The following MTA1 variants were observed in gnomAD, a reference collection of about 807,000 sequenced individuals.
MTA1 encodes the protein metastasis-associated protein MTA1.
MTA1 carries 15 observed loss-of-function variants against 97.0 expected under a neutral mutation model. The ratio of observed to expected loss-of-function variants is 0.15; its 90% CI spans 0.10 to 0.24. MTA1 has a LOEUF of 0.24. Ranked by LOEUF, MTA1 falls within the 10% of genes least tolerant of loss-of-function variation. The pLI is 1.00. For missense variants in MTA1, 709 were observed against 1,015.1 expected (o/e 0.70, Z 4.10); for synonymous variants, 435 against 417.5 (o/e 1.04, Z -0.51).
At chr14:105,451,094 C>G (rs587602063) in intron 6 of MTA1, among the ~76,000 whole-genome samples, 1 of 152,312 alleles carries the variant, frequency 6.6e-6, no homozygotes, top group South Asian at 2.1e-4. Flanking sequence ...TGAACACCCC[C>G]AGCGTGTCCA....
At chr14:105,444,189 C>T (rs1468273003) in intron 2 of MTA1, among the ~76,000 whole-genome samples, 4 of 151,336 alleles carry the variant, frequency 2.6e-5, no homozygotes, top group African/African-American at 7.3e-5. Context: ...CTGGCTAACA[C>T]GGTGAAACCC....
At chr14:105,434,249 C>A (rs1289641454) in intron 1 of MTA1, among the ~76,000 whole-genome samples, 1 of 152,184 alleles carries the variant, frequency 6.6e-6, no homozygotes, top group Non-Finnish European at 1.5e-5. Context: ...GGAAGCTCAC[C>A]AACATGTATT....
rs115960946 is a variant in MTA1, at chr14:105,468,854, C to G, written c.1814-613C>G. ...GGTCCTGGGCCCAGCTGGGGGTGAC[C>G]AGGAGCATGGACCCCGCTTCTTGGC... On this transcript the variant is annotated intron_variant, in intron 18 of 20. Coordinates refer to ENST00000331320, the MANE Select transcript of MTA1 (RefSeq NM_004689.4). The G allele has an allele frequency of 5.1e-3, 1,433 of 278,580 alleles. 34 individuals carry two copies. Among genetic ancestry groups the G allele is most frequent in the African/African-American group, 0.029 (1,312 of 44,660 alleles). 17.3% of individuals were successfully genotyped at this position (278,580 alleles called of 1,614,324 possible).
chr14:105,462,196 C>T (rs1423444708), intron 10 of MTA1, among the ~76,000 whole-genome samples: 5 of 29,092 alleles, frequency 1.7e-4, no homozygotes, highest in Non-Finnish European at 3.6e-4. Flanking sequence ...AGGGAGCAGG[C>T]CCCGCTCTCC....
At chr14:105,458,213 C>T (rs986711989) in intron 7 of MTA1, 57 bp from the exon 8 acceptor site, 20 of 1,479,442 alleles carry the variant, frequency 1.4e-5, no homozygotes, top group East Asian at 2.3e-5. Flanking sequence ...GGAGGAGAGG[C>T]GCGGCCCGGC....
chr14:105,463,397 CGT>C lies in MTA1; in HGVS notation c.1018-94_1018-93del. 6.6e-7 allele frequency: 1 copy of C among 1,512,584 alleles called. No homozygotes were observed. The highest frequency in any genetic ancestry group is 9.2e-7 in the Non-Finnish European group (1 of 1,091,160). The allele number at this position is 1,512,584 out of a possible 1,614,324, so 93.7% of individuals were successfully genotyped here. ...GAGTCCCTGGCCCGGCTGTCCTCTC[CGT>C]GGTGCTCTCCTCTCCGTAGCCTCCA... On this transcript the variant is annotated intron_variant, in intron 11 of 20. Transcript: ENST00000331320. This position sits in a 1 kb window ranked among gnomAD's most constrained non-coding sequence, Gnocchi z 5.9.
At chr14:105,446,660 T>C (rs2082728194) in intron 3 of MTA1, among the ~76,000 whole-genome samples, 1 of 152,224 alleles carries the variant, frequency 6.6e-6, no homozygotes, top group Admixed American at 6.5e-5. Flanking sequence ...GGGCAGGCGC[T>C]TGTGGAAGGA....
chr14:105,421,494 C>T (rs1250710548), intron 1 of MTA1, among the ~76,000 whole-genome samples: 1 of 152,206 alleles, frequency 6.6e-6, no homozygotes, highest in Non-Finnish European at 1.5e-5. Context: ...AAGAGCTCTC[C>T]CTGCCCCCAC....
intron 1 of MTA1, among the ~76,000 whole-genome samples, chr14:105,434,081 T>C (rs2082259499): frequency 6.6e-6 from 1 of 152,196 alleles, no homozygotes. Flanking sequence ...CCTCCTGAAG[T>C]GCTGGCATTA....
At chr14:105,445,352 C>T in intron 2 of MTA1, 66 bp from the exon 3 acceptor site, 3 of 1,483,088 alleles carry the variant, frequency 2.0e-6, no homozygotes, top group South Asian at 2.4e-5. Flanking sequence ...CCTTGGAGCC[C>T]CTCCTGGGAG....
At position 105,463,609 on chromosome 14, in the gene MTA1, A is replaced by G. The variant is rs1394733469; in HGVS notation, c.1076+58A>G. ...GCCCCGGGGGCCAGGGAGGGTGGGC[A>G]CAGGGTGCTGGGGCCAGGCGGGTCC... On this transcript the variant is annotated intron_variant, in intron 12 of 20. Coordinates refer to ENST00000331320, the MANE Select transcript of MTA1 (RefSeq NM_004689.4). This position sits in a 1 kb window ranked among gnomAD's most constrained non-coding sequence, Gnocchi z 5.9. The G allele has an allele frequency of 5.8e-6, 9 of 1,553,496 alleles. No individual in the cohort carries two copies. The highest frequency in any genetic ancestry group is 8.0e-6 in the Non-Finnish European group (9 of 1,126,656).
In MTA1 at chr14:105,424,205, G is replaced by GT. The variant is rs1393348454; in HGVS notation, c.28+4149dup. Reference sequence around the variant, plus strand: ...AGCACTCCTGGCTTGCTCCACCTTTGTTTTTTTGAGACGGAGTCTCGCTCT... The same window carrying GT: ...AGCACTCCTGGCTTGCTCCACCTTTGTTTTTTTTGAGACGGAGTCTCGCTCT... On this transcript the variant is annotated intron_variant, in intron 1 of 20. Transcript: ENST00000331320. The surrounding 1 kb of genome is among the most constrained non-coding windows in gnomAD (Gnocchi z 4.0). Among the ~76,000 whole-genome samples the GT allele has an allele frequency of 1.3e-5, 2 of 152,128 alleles. No homozygotes were observed. Among genetic ancestry groups the GT allele is most frequent in the African/African-American group, 4.8e-5 (2 of 41,424 alleles).
rs1023583546 is a variant in MTA1, at chr14:105,424,904, C to T, written c.28+4841C>T. Among the ~76,000 whole-genome samples, 17 of 152,372 alleles carry T rather than the reference C, an allele frequency of 1.1e-4. No homozygotes were observed. The highest frequency in any genetic ancestry group is 3.4e-3 in the Middle Eastern group (1 of 294). On this transcript the variant is annotated intron_variant, in intron 1 of 20. Coordinates refer to ENST00000331320, the MANE Select transcript of MTA1 (RefSeq NM_004689.4). The surrounding 1 kb of genome is among the most constrained non-coding windows in gnomAD (Gnocchi z 4.0). ...ATGGTCCAATGAAGCACATCCCTCGCGCCCGACCCGCCCTGGCAGTGCCGT... is the reference window on the plus strand; with the variant it reads ...ATGGTCCAATGAAGCACATCCCTCGTGCCCGACCCGCCCTGGCAGTGCCGT...
intron 2 of MTA1, among the ~76,000 whole-genome samples, chr14:105,439,114 C>T (rs587727066): frequency 1.3e-5 from 2 of 152,324 alleles, no homozygotes; most frequent in East Asian, 3.9e-4. Flanking sequence ...CTGCCCTGCC[C>T]GAACCCTGGC....
At chr14:105,466,129 A>G in intron 16 of MTA1, 2 of 472,194 alleles carry the variant, frequency 4.2e-6, no homozygotes, top group Non-Finnish European at 7.7e-6. Context: ...GGGCCTGTGT[A>G]TGGATCCTGT....
At chr14:105,458,138 C>A in intron 7 of MTA1, 132 bp from the exon 8 acceptor site, 1 of 691,770 alleles carries the variant, frequency 1.4e-6, no homozygotes, top group Non-Finnish European at 2.5e-6. Flanking sequence ...GCCTTGCACC[C>A]TGGCCTCACC....
At chr14:105,466,393 G>A in intron 16 of MTA1, 33 bp from the exon 17 acceptor site, 1 of 1,589,444 alleles carries the variant, frequency 6.3e-7, no homozygotes, top group Non-Finnish European at 8.6e-7. Flanking sequence ...GCTGGGCAGA[G>A]GCAACTCGTT....
At position 105,466,737 on chromosome 14, in the gene MTA1, G is replaced by C. The variant is rs990362835; in HGVS notation, c.1808G>C (p.Ser603Thr). 1 of 1,590,406 alleles carries C rather than the reference G, an allele frequency of 6.3e-7. No homozygotes were observed. The highest frequency in any genetic ancestry group is 2.3e-5 in the East Asian group (1 of 43,962). ...ATGAAGAAGCGCCTCTTGATGCCCA[G>C]TAGGGGTAAGGCCTGGAGCCGCGGG... ...GNMKKRLLMP[S>T]RGLANHGQAR... Residue 603 changes from serine to threonine, a missense_variant, in exon 18 of 21, where the codon AGT becomes ACT. Ser to Thr is a moderately conservative substitution (Grantham distance 58, BLOSUM62 1). This residue lies in a region of MTA1 where 388 missense variants were observed against 421.6 expected (regional missense o/e 0.92). Transcript: ENST00000331320.
Position 105,420,011 on chromosome 14 carries a change from C to T in MTA1, c.-25C>T. 9.5e-7 allele frequency: 1 copy of T among 1,051,226 alleles called. No individual in the cohort carries two copies. The highest frequency in any genetic ancestry group is 3.3e-5 in the South Asian group (1 of 29,952). 65.1% of individuals were successfully genotyped at this position (1,051,226 alleles called of 1,614,324 possible). On this transcript the variant is annotated 5_prime_UTR_variant, in exon 1 of 21. Coordinates refer to ENST00000331320, the MANE Select transcript of MTA1 (RefSeq NM_004689.4). This position sits in a 1 kb window ranked among gnomAD's most constrained non-coding sequence, Gnocchi z 5.3. ...CGCCGAGCGCCGCGCCCGCCCCGGG[C>T]CCCTCCGCCGCCGCCGGCCCGGACA...
Sources: allele counts gnomAD v4.1 joint callset (sites outside exome capture counted in the v4.1 genomes callset), GRCh38; gene constraint gnomAD v4.1.1; regional missense constraint gnomAD v4.1.1; non-coding constraint Gnocchi (gnomAD v3.1); transcripts MANE v1.5; gene names NCBI Gene and HGNC (gene_info 2026-07-23, HGNC 2026-07-21).